Variants in FBXL7 observed in about 807,000 individuals in gnomAD.
FBXL7 encodes F-box and leucine rich repeat protein 7.
In FBXL7, 12 loss-of-function variants were observed where a neutral mutation model predicts 38.3. The observed-to-expected ratio is 0.31, with a 90% confidence interval of 0.20 to 0.51. The LOEUF is 0.51. FBXL7 is among the 20% of genes least tolerant of loss of function. The pLI, the probability that FBXL7 is intolerant of heterozygous loss-of-function variation, is 0.98. For missense variants in FBXL7, 567 were observed against 676.4 expected (o/e 0.84, Z 1.79); for synonymous variants, 297 against 300.9 (o/e 0.99, Z 0.13).
intron 2 of FBXL7, among the ~76,000 whole-genome samples, chr5:15,876,506 G>A (rs1196727628): frequency 1.3e-5 from 2 of 152,156 alleles, no homozygotes; most frequent in Non-Finnish European, 2.9e-5. Flanking sequence ...TATAGCTAAT[G>A]TGTTGATTTT....
chr5:15,868,820 C>T (rs1739828758), intron 2 of FBXL7, among the ~76,000 whole-genome samples: 1 of 152,150 alleles, frequency 6.6e-6, no homozygotes, highest in Non-Finnish European at 1.5e-5. Flanking sequence ...TCATCCCTCA[C>T]CCCCAACCTC....
intron 1 of FBXL7, among the ~76,000 whole-genome samples, chr5:15,516,108 T>TAAA (rs1736929158): frequency 6.6e-6 from 1 of 152,196 alleles, no homozygotes; most frequent in African/African-American, 2.4e-5. Context: ...TTTTTTTTGA[T>TAAA]ACACCGAGTA....
chr5:15,576,580 C>G (rs1738976231), intron 1 of FBXL7, among the ~76,000 whole-genome samples: 1 of 152,148 alleles, frequency 6.6e-6, no homozygotes, highest in Admixed American at 6.6e-5. Context: ...TATGTTGTTA[C>G]TGCTCAGCAT....
chr5:15,649,689 TTTC>T (rs1741642895), intron 2 of FBXL7, among the ~76,000 whole-genome samples: 1 of 142,664 alleles, frequency 7.0e-6, no homozygotes, highest in Admixed American at 7.1e-5. Flanking sequence ...TCTTTAAATC[TTTC>T]TTTTCTTTTT....
intron 2 of FBXL7, among the ~76,000 whole-genome samples, chr5:15,714,136 C>A (rs973857065): frequency 3.3e-5 from 5 of 152,132 alleles, no homozygotes; most frequent in Admixed American, 2.0e-4. Context: ...GCCTAAATCT[C>A]CTGTTGAATT....
chr5:15,555,187 C>CGCACAGACACACAGACAGACAG lies in FBXL7; in HGVS notation c.37+54475_37+54496dup, dbSNP rs559431590. On this transcript the variant is annotated intron_variant, in intron 1 of 3. Coordinates refer to ENST00000504595, the MANE Select transcript of FBXL7 (RefSeq NM_012304.5). ...ACACACAAACTCACACATGTGTGCA[C>CGCACAGACACACAGACAGACAG]GCACAGACACACAGACAGACAGACA... Among the ~76,000 whole-genome samples, 21 of 152,274 alleles carry CGCACAGACACACAGACAGACAG rather than the reference C, an allele frequency of 1.4e-4. No homozygotes were observed. The East Asian group carries it at 3.5e-3, about 25-fold the overall frequency.
intron 2 of FBXL7, among the ~76,000 whole-genome samples, chr5:15,705,001 G>T (rs193174130): frequency 2.1e-3 from 325 of 151,936 alleles, no homozygotes; most frequent in African/African-American, 7.4e-3. Flanking sequence ...ATATACTTAG[G>T]CAATTTTTAT....
At chr5:15,702,804 TG>T (rs1281528133) in intron 2 of FBXL7, among the ~76,000 whole-genome samples, 1 of 151,788 alleles carries the variant, frequency 6.6e-6, no homozygotes, top group African/African-American at 2.4e-5. Context: ...TTTAATCACC[TG>T]GGTGCAGGCG....
intron 2 of FBXL7, among the ~76,000 whole-genome samples, chr5:15,866,009 A>G (rs1021994598): frequency 1.3e-5 from 2 of 152,130 alleles, no homozygotes; most frequent in Admixed American, 1.3e-4. Flanking sequence ...ACCCATTCTT[A>G]TTATCTTTAA....
chr5:15,606,787 C>T (rs930019980), intron 1 of FBXL7: 45 of 152,144 alleles, frequency 3.0e-4, no homozygotes, highest in African/African-American at 1.1e-3. Context: ...ATGTTTTTTG[C>T]TCACAAGAAA....
chr5:15,859,574 C>G (rs999966392), intron 2 of FBXL7, among the ~76,000 whole-genome samples: 1 of 152,180 alleles, frequency 6.6e-6, no homozygotes, highest in East Asian at 1.9e-4. Context: ...GGAGCAAAGT[C>G]ATGTCTCGCA....
At chr5:15,564,374 A>G (rs1047848583) in intron 1 of FBXL7, among the ~76,000 whole-genome samples, 2 of 106,090 alleles carry the variant, frequency 1.9e-5, no homozygotes, top group Non-Finnish European at 3.9e-5. Context: ...GATGTCAGTA[A>G]TATCTGTGTG....
intron 3 of FBXL7, among the ~76,000 whole-genome samples, chr5:15,934,548 T>C (rs1015126685): frequency 2.0e-5 from 3 of 152,158 alleles, no homozygotes; most frequent in Non-Finnish European, 2.9e-5. Flanking sequence ...AAACGATGTT[T>C]AGAGAGGCAT....
chr5:15,835,673 A>C (rs1179697885), intron 2 of FBXL7, among the ~76,000 whole-genome samples: 1 of 152,182 alleles, frequency 6.6e-6, no homozygotes, highest in Non-Finnish European at 1.5e-5. Flanking sequence ...CATCTGATGC[A>C]GGTCTGACTC....
In FBXL7 at chr5:15,500,426, C is replaced by T. The variant is rs952161094; in HGVS notation, c.-251C>T. 4 of 443,088 alleles carry T rather than the reference C, an allele frequency of 9.0e-6. No homozygotes were observed. In the South Asian group the frequency reaches 9.1e-5, roughly 10 times the overall value. The allele number at this position is 443,088 out of a possible 1,614,324, so 27.4% of individuals were successfully genotyped here. A position where few individuals can be genotyped will look rare whatever the true frequency, so the allele number is the denominator to read the frequency against. On this transcript the variant is annotated 5_prime_UTR_variant, in exon 1 of 4. Coordinates refer to ENST00000504595, the MANE Select transcript of FBXL7 (RefSeq NM_012304.5). Reference sequence around the variant, plus strand: ...CTGTGCGCGGCGCTGCGCCCGCCGGCCCCCAGCGCGGATTGTAAGTGCTGC... The same window carrying T: ...CTGTGCGCGGCGCTGCGCCCGCCGGTCCCCAGCGCGGATTGTAAGTGCTGC...
intron 2 of FBXL7, among the ~76,000 whole-genome samples, chr5:15,661,866 G>A (rs545223255): frequency 6.6e-6 from 1 of 152,236 alleles, no homozygotes; most frequent in South Asian, 2.1e-4. Context: ...ACATGATCCT[G>A]TTCTTTTTAT....
intron 2 of FBXL7, among the ~76,000 whole-genome samples, chr5:15,833,233 T>C (rs1738504626): frequency 2.6e-5 from 4 of 152,180 alleles, no homozygotes; most frequent in Admixed American, 2.0e-4. Context: ...GAGTCCATGA[T>C]CAAGGTCCCA....
chr5:15,744,492 C>T (rs1006076249), intron 2 of FBXL7, among the ~76,000 whole-genome samples: 12 of 152,176 alleles, frequency 7.9e-5, no homozygotes, highest in Non-Finnish European at 1.5e-4. Context: ...TTCAACAAGT[C>T]TCTAGGAAGT....
intron 1 of FBXL7, among the ~76,000 whole-genome samples, chr5:15,587,077 A>G (rs974701448): frequency 6.6e-6 from 1 of 152,128 alleles, no homozygotes; most frequent in Admixed American, 6.5e-5. Flanking sequence ...CTCAGCAGCT[A>G]GCTTCATCTT....
Sources: allele counts gnomAD v4.1 joint callset (sites outside exome capture counted in the v4.1 genomes callset), GRCh38; gene constraint gnomAD v4.1.1; transcripts MANE v1.5; gene names NCBI Gene and HGNC (gene_info 2026-07-23, HGNC 2026-07-21).